RANBP2: variants seen among roughly 807,000 people sequenced by gnomAD.
RANBP2 encodes the protein RAN binding protein 2.
In RANBP2, 57 loss-of-function variants were observed where a neutral mutation model predicts 303.6. The ratio of observed to expected loss-of-function variants is 0.19; its 90% CI spans 0.15 to 0.23. The LOEUF (loss-of-function observed/expected upper bound fraction) is 0.23. Ranked by LOEUF, RANBP2 falls within the 10% of genes least tolerant of loss-of-function variation. RANBP2 has a pLI of 1.00. For missense variants in RANBP2, 3,138 were observed against 3,780.8 expected, an observed-to-expected ratio of 0.83 and a Z score of 4.46; for synonymous variants, 1,167 against 1,301.5, an observed-to-expected ratio of 0.90 and a Z score of 2.23.
the RANBP2 span, among the ~76,000 whole-genome samples, chr2:108,798,164 A>G: frequency 2.6e-5 from 4 of 152,190 alleles, no homozygotes; most frequent in African/African-American, 7.2e-5. Context: ...CTAAATCTGC[A>G]TAGTGCTGAT....
At chr2:109,347,059 T>C in the RANBP2 span, among the ~76,000 whole-genome samples, 1 of 152,118 alleles carries the variant, frequency 6.6e-6, no homozygotes, top group Non-Finnish European at 1.5e-5. Flanking sequence ...AGTGGAACGC[T>C]CAGCACGACG....
the RANBP2 span, chr2:108,895,095 C>T: frequency 2.0e-5 from 3 of 152,576 alleles, no homozygotes; most frequent in Non-Finnish European, 4.4e-5. Context: ...TAAGCTCTGC[C>T]GTGGAGTATT....
the RANBP2 span, among the ~76,000 whole-genome samples, chr2:108,851,600 G>A: frequency 1.4e-3 from 210 of 152,298 alleles, 1 homozygote; most frequent in Middle Eastern, 0.034. Flanking sequence ...ACCGCGCCCG[G>A]CCTTTCTCTT....
the RANBP2 span, among the ~76,000 whole-genome samples, chr2:109,717,679 C>T: frequency 6.6e-6 from 1 of 151,976 alleles, no homozygotes; most frequent in Non-Finnish European, 1.5e-5. Flanking sequence ...TTTGGGAGTC[C>T]AAGGCGGGTA....
the RANBP2 span, among the ~76,000 whole-genome samples, chr2:109,249,755 C>G: frequency 6.6e-6 from 1 of 151,880 alleles, no homozygotes; most frequent in Non-Finnish European, 1.5e-5. Flanking sequence ...CTTCCAGGTT[C>G]ACGCCATTCT....
chr2:109,143,681 G>A, the RANBP2 span, among the ~76,000 whole-genome samples: 1 of 152,040 alleles, frequency 6.6e-6, no homozygotes, highest in Non-Finnish European at 1.5e-5. Context: ...TTAAGCCCAG[G>A]AGGTTGAGGC....
At chr2:108,937,817 G>C in the RANBP2 span, among the ~76,000 whole-genome samples, 1 of 152,180 alleles carries the variant, frequency 6.6e-6, no homozygotes, top group Admixed American at 6.5e-5. Context: ...ATGCACAGTG[G>C]ACCTGCGGGG....
the RANBP2 span, among the ~76,000 whole-genome samples, chr2:108,978,786 G>A: frequency 2.6e-5 from 4 of 152,116 alleles, no homozygotes; most frequent in East Asian, 1.9e-4. Flanking sequence ...GAGAAAAGAC[G>A]GGAAAATCCA....
At chr2:109,170,733 G>C in the RANBP2 span, among the ~76,000 whole-genome samples, 1 of 152,202 alleles carries the variant, frequency 6.6e-6, no homozygotes, top group Non-Finnish European at 1.5e-5. Context: ...GTTGGGCATT[G>C]ACCATGTGCC....
chr2:108,815,530 G>A, the RANBP2 span, among the ~76,000 whole-genome samples: 1,876 of 139,272 alleles, frequency 0.013, 41 homozygotes, highest in African/African-American at 0.047. Context: ...GCAGTGGTGC[G>A]ATCTCGGCTC....
chr2:109,340,249 G>A, the RANBP2 span, among the ~76,000 whole-genome samples: 19 of 152,182 alleles, frequency 1.2e-4, no homozygotes, highest in Middle Eastern at 3.4e-3. Flanking sequence ...ATTTCCTATC[G>A]GTAAAGTGCA....
the RANBP2 span, among the ~76,000 whole-genome samples, chr2:109,569,323 C>T: frequency 2.0e-5 from 3 of 151,592 alleles, no homozygotes; most frequent in Non-Finnish European, 2.9e-5. Context: ...CCCAGCTACT[C>T]GGTAGGCTGC....
chr2:109,302,552 A>G, the RANBP2 span, among the ~76,000 whole-genome samples: 1 of 152,248 alleles, frequency 6.6e-6, no homozygotes, highest in East Asian at 1.9e-4. Flanking sequence ...GGACCAGGCC[A>G]GAGACCCTGT....
At chr2:109,592,796 C>T in the RANBP2 span, among the ~76,000 whole-genome samples, 2 of 149,900 alleles carry the variant, frequency 1.3e-5, no homozygotes, top group Non-Finnish European at 3.0e-5. Context: ...AAAAAGGAAA[C>T]GAAAAAAGAA....
At chr2:109,574,743 T>G in the RANBP2 span, 11 of 1,595,544 alleles carry the variant, frequency 6.9e-6, no homozygotes, top group Non-Finnish European at 8.5e-6. Flanking sequence ...ACTGAGCATC[T>G]ATGTAGTCAA....
At chr2:109,484,690 C>G in the RANBP2 span, among the ~76,000 whole-genome samples, 2 of 152,204 alleles carry the variant, frequency 1.3e-5, no homozygotes, top group Non-Finnish European at 2.9e-5. Context: ...AAGAAACTCA[C>G]AAGTGATGCA....
chr2:109,663,446 A>C, the RANBP2 span, among the ~76,000 whole-genome samples: 106 of 152,344 alleles, frequency 7.0e-4, no homozygotes, highest in African/African-American at 2.5e-3. Context: ...TGCTGGAAGT[A>C]GATCAATAAA....
chr2:109,415,949 G>C, the RANBP2 span, among the ~76,000 whole-genome samples: 1 of 152,092 alleles, frequency 6.6e-6, no homozygotes, highest in Non-Finnish European at 1.5e-5. Context: ...GGATTCATGG[G>C]AGCAGGGCTG....
chr2:109,683,969 T>C, the RANBP2 span, among the ~76,000 whole-genome samples: 1 of 151,894 alleles, frequency 6.6e-6, no homozygotes, highest in East Asian at 1.9e-4. Context: ...TTTGACAGAG[T>C]CTCGCTCTCT....
Sources: allele counts gnomAD v4.1 joint callset (sites outside exome capture counted in the v4.1 genomes callset), GRCh38; gene constraint gnomAD v4.1.1; transcripts MANE v1.5; gene names NCBI Gene and HGNC (gene_info 2026-07-23, HGNC 2026-07-21).